The following MYO9A variants were observed in gnomAD, a reference collection of about 807,000 sequenced individuals.
MYO9A encodes the protein unconventional myosin-IXa.
MYO9A carries 103 observed loss-of-function variants against 293.3 expected under a neutral mutation model. That is an observed-to-expected ratio of 0.35 (90% CI 0.30 to 0.41). MYO9A has a LOEUF of 0.41. MYO9A is among the 10% of genes least tolerant of loss of function. The pLI is 1.00. For synonymous variants in MYO9A, 1,001 were observed against 1,035.7 expected (o/e 0.97, Z 0.64); for missense variants, 2,685 against 3,033.0 (o/e 0.89, Z 2.69).
chr15:72,052,887 C>T (rs1335099632), intron 1 of MYO9A, among the ~76,000 whole-genome samples: 1 of 152,148 alleles, frequency 6.6e-6, no homozygotes, highest in Non-Finnish European at 1.5e-5. Flanking sequence ...GCCTGCCATT[C>T]AGAGTGATCA....
At chr15:71,977,833 C>T (rs1302335770) in intron 12 of MYO9A, among the ~76,000 whole-genome samples, 2 of 152,066 alleles carry the variant, frequency 1.3e-5, no homozygotes, top group Admixed American at 6.6e-5. Flanking sequence ...GTCAGGCGAT[C>T]GAGACCATCC....
rs745634920 is a variant in MYO9A, at chr15:71,903,086, T to A, written c.2878-23A>T. The A allele has an allele frequency of 2.6e-6, 4 of 1,562,482 alleles. No individual in the cohort carries two copies. In the Admixed American group the frequency reaches 7.2e-5, roughly 28 times the overall value. The stretch of plus-strand genomic sequence containing the variant: ...ATCCTGAAAAATAATTTAAAAATAT[T>A]GTAAAATCAGAAAACAGTGTATGTA... On this transcript the variant is annotated intron_variant, in intron 21 of 41. Transcript: ENST00000356056.
At chr15:71,837,580 G>A (rs2140909814) in intron 39 of MYO9A, among the ~76,000 whole-genome samples, 1 of 152,100 alleles carries the variant, frequency 6.6e-6, no homozygotes, top group African/African-American at 2.4e-5. Flanking sequence ...CATACCATCA[G>A]CTGGCCACCG....
At chr15:71,978,775 G>A (rs960816766) in intron 11 of MYO9A, among the ~76,000 whole-genome samples, 1 of 36,990 alleles carries the variant, frequency 2.7e-5, no homozygotes, top group Non-Finnish European at 5.4e-5. Context: ...TAATCTTTAG[G>A]ACTTTTTTTT....
rs531431496 is a variant in MYO9A at position 71,943,268 on chromosome 15, G to A, written c.2303-4341C>T. On this transcript the variant is annotated intron_variant, in intron 15 of 41. Transcript: ENST00000356056. ...TACTGTGGTTGTCCTTAAGGTACAC[G>A]TTCAATTTATTTAATTATACTGATT... 6.6e-5 allele frequency among the ~76,000 whole-genome samples: 10 copies of A among 151,848 alleles called. No individual in the cohort carries two copies. The South Asian group carries it at 1.2e-3, about 19-fold the overall frequency.
chr15:71,880,241 A>G, intron 29 of MYO9A, 94 bp downstream of exon 29: 1 of 1,055,380 alleles, frequency 9.5e-7, no homozygotes. Context: ...ATGGAAGCAT[A>G]TGTAATTTTG....
intron 1 of MYO9A, among the ~76,000 whole-genome samples, chr15:72,080,727 C>T (rs1441703965): frequency 2.0e-5 from 3 of 152,090 alleles, no homozygotes; most frequent in East Asian, 3.9e-4. Flanking sequence ...AAGCCTAGTA[C>T]CCATTGGTTA....
chr15:72,035,590 G>A (rs1035716351), intron 2 of MYO9A, among the ~76,000 whole-genome samples: 17 of 152,146 alleles, frequency 1.1e-4, no homozygotes, highest in African/African-American at 3.9e-4. Context: ...ACTGCTTGAA[G>A]CCAGGAGTTT....
chr15:71,936,912 A>G (rs559198137), intron 16 of MYO9A, among the ~76,000 whole-genome samples: 11 of 151,828 alleles, frequency 7.2e-5, no homozygotes, highest in African/African-American at 2.4e-4. Flanking sequence ...TCTCATTTAC[A>G]AAAATGAGTG....
intron 32 of MYO9A, among the ~76,000 whole-genome samples, chr15:71,863,636 A>G (rs2056225224): frequency 6.6e-6 from 1 of 152,206 alleles, no homozygotes; most frequent in South Asian, 2.1e-4. Context: ...ATGAAAGTGG[A>G]AAATGAAGGA....
intron 17 of MYO9A, among the ~76,000 whole-genome samples, chr15:71,933,945 C>T (rs540986636): frequency 9.9e-5 from 15 of 152,116 alleles, no homozygotes; most frequent in Non-Finnish European, 2.2e-4. Flanking sequence ...AACAGATTTA[C>T]ACCTGATGAT....
At chr15:71,925,314 CGTATATGTACATATAT>C (rs1567278524) in intron 18 of MYO9A, among the ~76,000 whole-genome samples, 19 of 22,926 alleles carry the variant, frequency 8.3e-4, no homozygotes, top group South Asian at 3.8e-3. Flanking sequence ...TACGTATATA[CGTATATGTACATATAT>C]ACGTATATGT....
At chr15:71,878,722 A>ATTTAAATG (rs894777228) in intron 30 of MYO9A, among the ~76,000 whole-genome samples, 1 of 132,580 alleles carries the variant, frequency 7.5e-6, no homozygotes, top group African/African-American at 2.8e-5. Flanking sequence ...AATTTCTTTT[A>ATTTAAATG]TTTAAATGAG....
intron 12 of MYO9A, chr15:71,972,324 T>C (rs567420865): frequency 2.0e-5 from 3 of 152,278 alleles, no homozygotes; most frequent in South Asian, 4.1e-4. Flanking sequence ...CATTGTATCC[T>C]TTGCAATATC....
chr15:71,951,920 C>CAA, intron 14 of MYO9A, 24 bp from the exon 15 acceptor site: 9 of 1,307,974 alleles, frequency 6.9e-6, no homozygotes, highest in East Asian at 5.5e-5. Flanking sequence ...AAAAAACAAA[C>CAA]AAAAAAAAAA....
In MYO9A at chr15:72,048,853, T is replaced by C. The variant is rs114213015; in HGVS notation, c.-71-2219A>G. Among the ~76,000 whole-genome samples the C allele has an allele frequency of 6.2e-3, 950 of 152,362 alleles. 10 individuals carry two copies. The highest frequency in any genetic ancestry group is 0.022 in the African/African-American group (905 of 41,576). On this transcript the variant is annotated intron_variant, in intron 1 of 41. Coordinates refer to ENST00000356056, the MANE Select transcript of MYO9A (RefSeq NM_006901.4). Reference sequence around the variant, plus strand: ...CTTCTCATTCATGAACACCATGCTGTTGGCTTTTAAAAATTACAACTATAT... The same window carrying C: ...CTTCTCATTCATGAACACCATGCTGCTGGCTTTTAAAAATTACAACTATAT...
At chr15:71,861,724 G>GA (rs2056142283) in intron 33 of MYO9A, among the ~76,000 whole-genome samples, 1 of 141,934 alleles carries the variant, frequency 7.0e-6, no homozygotes, top group Admixed American at 7.1e-5. Flanking sequence ...CTGACCTATA[G>GA]AGCATATATT....
chr15:72,067,304 A>T (rs1196315920), intron 1 of MYO9A, among the ~76,000 whole-genome samples: 2 of 151,870 alleles, frequency 1.3e-5, no homozygotes, highest in East Asian at 1.9e-4. Flanking sequence ...CTAATTAATT[A>T]ATTTATTTCA....
intron 38 of MYO9A, among the ~76,000 whole-genome samples, 196 bp from the exon 39 acceptor site, chr15:71,849,164 T>C (rs989699914): frequency 1.3e-5 from 2 of 152,152 alleles, no homozygotes; most frequent in Non-Finnish European, 2.9e-5. Context: ...TAAAGAGCAG[T>C]TATGGCTGAG....
Sources: allele counts gnomAD v4.1 joint callset (sites outside exome capture counted in the v4.1 genomes callset), GRCh38; gene constraint gnomAD v4.1.1; transcripts MANE v1.5; gene names NCBI Gene and HGNC (gene_info 2026-07-23, HGNC 2026-07-21).